SPIB: variants seen among roughly 807,000 people sequenced by gnomAD.
The protein encoded by SPIB is Spi-B transcription factor.
A neutral mutation model predicts 31.9 loss-of-function variants in SPIB; 7 were observed. The observed-to-expected ratio is 0.22, with a 90% CI of 0.12 to 0.41. The LOEUF is 0.41. SPIB is among the 10% of genes least tolerant of loss of function. SPIB has a pLI of 1.00. For missense variants in SPIB, 327 were observed against 360.2 expected, an observed-to-expected ratio of 0.91 and a Z score of 0.75; for synonymous variants, 176 against 158.9, an observed-to-expected ratio of 1.11 and a Z score of -0.81.
chr19:50,426,054 C>T (rs2039561598), intron 5 of SPIB, among the ~76,000 whole-genome samples: 1 of 151,986 alleles, frequency 6.6e-6, no homozygotes, highest in South Asian at 2.1e-4. Flanking sequence ...ACTAAAAATA[C>T]AAAAATTAGC....
chr19:50,423,948 G>A (rs1449122262), intron 5 of SPIB, among the ~76,000 whole-genome samples, 193 bp downstream of exon 5: 1 of 152,152 alleles, frequency 6.6e-6, no homozygotes, highest in East Asian at 1.9e-4. Flanking sequence ...TCTGTGCGAT[G>A]GGGATGGAGG....
rs1448149960 is a variant in SPIB, at chr19:50,429,022, G to C, written c.*686G>C. On this transcript the variant is annotated 3_prime_UTR_variant, in exon 6 of 6. Coordinates refer to ENST00000595883, the MANE Select transcript of SPIB (RefSeq NM_003121.5). ...TTTTGTCATGTCTGAAATCACTCTT[G>C]AGAGGTCTGGGGTGGAGGATGGGGA... 6.6e-6 allele frequency: 1 copy of C among 152,212 alleles called. No individual in the cohort carries two copies. The highest frequency in any genetic ancestry group is 2.4e-5 in the African/African-American group (1 of 41,390). The allele number at this position is 152,212 out of a possible 1,614,324, so 9.4% of individuals were successfully genotyped here. A position where few individuals can be genotyped will look rare whatever the true frequency, so the allele number is the denominator to read the frequency against.
Position 50,423,638 on chromosome 19 carries a change from A to G in SPIB, c.373A>G (p.Ser125Gly). 6.2e-7 allele frequency: 1 copy of G among 1,614,086 alleles called. No homozygotes were observed. Among genetic ancestry groups the G allele is most frequent in the Non-Finnish European group, 8.5e-7 (1 of 1,180,008 alleles). ...LVPPAYAPYP[S>G]PVLSEEEDLP... is the part of the protein sequence containing the mutation. ...TCCCCCGGCATATGCCCCGTACCCC[A>G]GCCCTGTGCTATCAGAGGAGGAAGA... The change falls in exon 5 of 6, where the codon AGC becomes GGC. Residue 125 changes from serine to glycine, a missense_variant. Ser to Gly is a moderately conservative substitution (Grantham distance 56). Transcript: ENST00000595883.
intron 2 of SPIB, 77 bp downstream of exon 2, chr19:50,420,050 T>C: frequency 7.8e-7 from 1 of 1,279,822 alleles, no homozygotes. Context: ...GCTTCCTGCC[T>C]CAGTTTCCCC....
Position 50,428,064 on chromosome 19 carries a change from C to A in SPIB, c.517C>A (p.Gln173Lys). ...AGTRKKLRLYQFLLGLLTRGD... is the reference protein window; with the variant it reads ...AGTRKKLRLYKFLLGLLTRGD... The stretch of plus-strand genomic sequence containing the variant: ...GACTCGCAAGAAGCTGCGCCTGTAC[C>A]AGTTCCTGCTGGGGCTACTGACGCG... Residue 173 changes from glutamine to lysine, a missense_variant, in exon 6 of 6, where the codon CAG (glutamine) becomes AAG (lysine). Coordinates refer to ENST00000595883, the MANE Select transcript of SPIB (RefSeq NM_003121.5). The surrounding 1 kb of genome is among the most constrained non-coding windows in gnomAD (Gnocchi z 6.5). The A allele has an allele frequency of 6.4e-7, 1 of 1,562,826 alleles. No homozygotes were observed. Among genetic ancestry groups the A allele is most frequent in the Non-Finnish European group, 8.7e-7 (1 of 1,151,682 alleles).
chr19:50,425,066 G>A (rs1273381723), intron 5 of SPIB, among the ~76,000 whole-genome samples: 2 of 151,628 alleles, frequency 1.3e-5, no homozygotes, highest in African/African-American at 4.8e-5. Context: ...GAGTGCAGTG[G>A]CACGATCTCG....
At chr19:50,421,544 A>C (rs1312052596) in intron 2 of SPIB, among the ~76,000 whole-genome samples, 1 of 151,586 alleles carries the variant, frequency 6.6e-6, no homozygotes, top group Non-Finnish European at 1.5e-5. Flanking sequence ...GCTGGTATCG[A>C]TCTCCTGACC....
chr19:50,419,082 G>A (rs2039448497), intron 1 of SPIB, 97 bp downstream of exon 1: 3 of 1,453,594 alleles, frequency 2.1e-6, no homozygotes, highest in Non-Finnish European at 1.9e-6. Flanking sequence ...GCTCCTCACG[G>A]CCGGTGGGTG....
rs1374829598 is a variant in SPIB, at chr19:50,422,829, T to C, written c.131T>C (p.Leu44Pro). ...CTCAGTGCCCTTCCCCCAGACTCCCTGTGGGACTGGACTGTGGCCCCACCT... is the reference window on the plus strand; with the variant it reads ...CTCAGTGCCCTTCCCCCAGACTCCCCGTGGGACTGGACTGTGGCCCCACCT... ...YPDSEGAPDS[L>P]WDWTVAPPVP... is the part of the protein sequence containing the mutation. Residue 44 changes from leucine to proline, a missense_variant, in exon 4 of 6, where the codon CTG becomes CCG. Physicochemically the swap from Leu to Pro is moderately conservative, Grantham distance 98. This residue lies in a region of SPIB where 238 missense variants were observed against 228.8 expected (regional missense o/e 1.04). Coordinates refer to ENST00000595883, the MANE Select transcript of SPIB (RefSeq NM_003121.5). 1.3e-6 allele frequency: 2 copies of C among 1,564,278 alleles called. No homozygotes were observed. The highest frequency in any genetic ancestry group is 1.7e-6 in the Non-Finnish European group (2 of 1,155,850).
In SPIB at chr19:50,422,941, C is replaced by A. The variant is rs200906043; in HGVS notation, c.243C>A (p.Pro81=). 2.7e-4 allele frequency: 434 copies of A among 1,595,060 alleles called. No individual in the cohort carries two copies. Among genetic ancestry groups the A allele is most frequent in the Non-Finnish European group, 3.5e-4 (406 of 1,166,440 alleles). The change falls in exon 4 of 6, where the codon CCC becomes CCA. Residue 81 remains proline (P), a synonymous_variant. Transcript: ENST00000595883. ...PQAAQLCYEP[P]TYSPAGNLEL... ...CTGCCCAGCTCTGCTACGAACCCCCCACCTACAGCCCTGCAGGGAACCTCG... is the reference window on the plus strand; with the variant it reads ...CTGCCCAGCTCTGCTACGAACCCCCAACCTACAGCCCTGCAGGGAACCTCG...
At chr19:50,422,396 C>T in intron 2 of SPIB, 77 bp from the exon 3 acceptor site, 1 of 1,336,090 alleles carries the variant, frequency 7.5e-7, no homozygotes, top group Admixed American at 1.8e-5. Flanking sequence ...GTTGGAGTCT[C>T]CCCAAGGGTC....
intron 5 of SPIB, among the ~76,000 whole-genome samples, chr19:50,426,265 A>G (rs2039564760): frequency 6.6e-6 from 1 of 152,058 alleles, no homozygotes; most frequent in Non-Finnish European, 1.5e-5. Flanking sequence ...ATCAAGTTCC[A>G]GGAGGTCACG....
chr19:50,419,647 C>T (rs908242958), intron 1 of SPIB, among the ~76,000 whole-genome samples: 55 of 152,274 alleles, frequency 3.6e-4, no homozygotes, highest in Admixed American at 2.4e-3. Context: ...TGACCCAGGC[C>T]CCCTCTCCAT....
Position 50,426,896 on chromosome 19 carries a change from G to A in SPIB, c.491-1142G>A, listed in dbSNP as rs182683230. The stretch of plus-strand genomic sequence containing the variant: ...TGTAATCCCAGCATTTTGGGAGGCC[G>A]AGGTGGGAGGATCACCTGAGGCCAG... On this transcript the variant is annotated intron_variant, in intron 5 of 5. Coordinates refer to ENST00000595883, the MANE Select transcript of SPIB (RefSeq NM_003121.5). Among the ~76,000 whole-genome samples the A allele has an allele frequency of 9.5e-3, 1,447 of 152,054 alleles. 13 individuals are homozygous for A. Among genetic ancestry groups the A allele is most frequent in the South Asian group, 0.021 (101 of 4,804 alleles).
At chr19:50,423,460 C>G (rs918094481) in intron 4 of SPIB, 145 bp from the exon 5 acceptor site, 6 of 1,064,994 alleles carry the variant, frequency 5.6e-6, no homozygotes, top group Non-Finnish European at 8.0e-6. Context: ...CTGGCCACAG[C>G]GTGGTGATCT....
chr19:50,422,484 C>G lies in SPIB; in HGVS notation c.63C>G (p.Gly21=). Residue 21 remains glycine (G), a synonymous_variant, in exon 3 of 6, where the codon GGC becomes GGG. Transcript: ENST00000595883. ...GCACCCCGTATCAGTACCCAGATGGCGTCTTCTATGACCTGGACAGCTGCA... is the reference window on the plus strand; with the variant it reads ...GCACCCCGTATCAGTACCCAGATGGGGTCTTCTATGACCTGGACAGCTGCA... The part of the protein sequence containing the change: ...GPHFSCLYPD[G]VFYDLDSCKH... The G allele has an allele frequency of 6.2e-7, 1 of 1,613,968 alleles. No homozygotes were observed. The highest frequency in any genetic ancestry group is 1.1e-5 in the South Asian group (1 of 91,078).
At chr19:50,419,664 ACCT>A (rs1054167001) in intron 1 of SPIB, among the ~76,000 whole-genome samples, 3 of 148,290 alleles carry the variant, frequency 2.0e-5, no homozygotes, top group Non-Finnish European at 3.0e-5. Flanking sequence ...CCATCCCCAC[ACCT>A]CCTTTCCGGG....
Position 50,428,287 on chromosome 19 carries a change from T to C in SPIB, c.740T>C (p.Leu247Pro), listed in dbSNP as rs1218403259. 6.4e-7 allele frequency: 1 copy of C among 1,550,730 alleles called. No individual in the cohort carries two copies. The highest frequency in any genetic ancestry group is 2.0e-5 in the Admixed American group (1 of 50,994). ...GAGATCCGCAAGGTCAAGCGCAAGC[T>C]CACCTACCAGTTCGACAGCGCGCTG... ...TGEIRKVKRKLTYQFDSALLP... is the reference protein window; with the variant it reads ...TGEIRKVKRKPTYQFDSALLP... The change falls in exon 6 of 6, where the codon CTC (leucine) becomes CCC (proline). Residue 247 changes from leucine (L) to proline (P), a missense_variant. By Grantham distance (98) the Leu-to-Pro change is moderately conservative. Transcript: ENST00000595883. The surrounding 1 kb of genome is among the most constrained non-coding windows in gnomAD (Gnocchi z 6.5).
Position 50,419,003 on chromosome 19 carries a change from A to C in SPIB, c.23+18A>C, listed in dbSNP as rs2039445751. The C allele has an allele frequency of 6.4e-7, 1 of 1,551,366 alleles. No homozygotes were observed. Among genetic ancestry groups the C allele is most frequent in the Non-Finnish European group, 8.7e-7 (1 of 1,147,564 alleles). On this transcript the variant is annotated intron_variant, in intron 1 of 5. Transcript: ENST00000595883. The stretch of plus-strand genomic sequence containing the variant: ...GCTGCACAGTAAGTGAGGGCCCCCA[A>C]ACCTGCACCCGGGGTCCCCACCTGC...
Sources: allele counts gnomAD v4.1 joint callset (sites outside exome capture counted in the v4.1 genomes callset), GRCh38; gene constraint gnomAD v4.1.1; regional missense constraint gnomAD v4.1.1; non-coding constraint Gnocchi (gnomAD v3.1); transcripts MANE v1.5; gene names NCBI Gene and HGNC (gene_info 2026-07-23, HGNC 2026-07-21).